TRDN: variants seen among roughly 807,000 people sequenced by gnomAD.
TRDN encodes triadin in skeletal muscle.
In TRDN, 161 loss-of-function variants were observed where a neutral mutation model predicts 149.7. The ratio of observed to expected loss-of-function variants is 1.08; its 90% CI spans 0.95 to 1.23. The LOEUF (loss-of-function observed/expected upper bound fraction) is 1.23, where lower values mean the gene tolerates loss of function less well. Among genes scored for constraint, TRDN ranks in the 50% most tolerant of loss-of-function variants. The pLI is 0.00. For missense variants in TRDN, 896 were observed against 823.5 expected (o/e 1.09, Z -1.08); for synonymous variants, 294 against 250.5 (o/e 1.17, Z -1.64).
intron 23 of TRDN, among the ~76,000 whole-genome samples, chr6:123,330,463 ATCC>A (rs1242928965): frequency 7.2e-5 from 11 of 152,032 alleles, no homozygotes; most frequent in African/African-American, 9.7e-5. Flanking sequence ...ACATATATGA[ATCC>A]TCTTGCAAGG....
chr6:123,274,905 T>C (rs371513376), intron 26 of TRDN, among the ~76,000 whole-genome samples: 6 of 152,018 alleles, frequency 3.9e-5, no homozygotes, highest in African/African-American at 1.4e-4. Context: ...GGTTTGCCAA[T>C]GATGGACTAT....
At chr6:123,340,671 A>C (rs1434675894) in intron 21 of TRDN, among the ~76,000 whole-genome samples, 1 of 151,960 alleles carries the variant, frequency 6.6e-6, no homozygotes, top group Non-Finnish European at 1.5e-5. Context: ...ATGCTTGCTG[A>C]TCTGAGATAT....
chr6:123,573,585 C>T (rs988859853), intron 1 of TRDN, among the ~76,000 whole-genome samples: 1 of 151,966 alleles, frequency 6.6e-6, no homozygotes, highest in African/African-American at 2.4e-5. Context: ...AAGATATTTT[C>T]AGGGACTCAA....
In TRDN at chr6:123,307,553, A is replaced by G. The variant is rs556942561; in HGVS notation, c.1510+8904T>C. Among the ~76,000 whole-genome samples, 14 of 152,064 alleles carry G rather than the reference A, an allele frequency of 9.2e-5. 1 individual carries two copies. In the South Asian group the frequency reaches 2.7e-3, roughly 29 times the overall value. On this transcript the variant is annotated intron_variant, in intron 24 of 40. Transcript: ENST00000334268. ...TGATTGATGCATTTTTTTAATTCCTATAAACTAATTTCTGTTTCCACCACT... is the reference window on the plus strand; with the variant it reads ...TGATTGATGCATTTTTTTAATTCCTGTAAACTAATTTCTGTTTCCACCACT...
intron 1 of TRDN, among the ~76,000 whole-genome samples, chr6:123,587,533 C>T (rs144639093): frequency 1.7e-4 from 26 of 152,260 alleles, no homozygotes; most frequent in Admixed American, 5.9e-4. Context: ...ATCTTTCTCA[C>T]GGAGCAAAGA....
chr6:123,415,086 C>T (rs1471080978), intron 12 of TRDN, among the ~76,000 whole-genome samples: 1 of 152,122 alleles, frequency 6.6e-6, no homozygotes, highest in Non-Finnish European at 1.5e-5. Flanking sequence ...GAGGCTTGTC[C>T]TTTTGTAGCT....
At chr6:123,544,507 G>C (rs573379474) in intron 4 of TRDN, among the ~76,000 whole-genome samples, 1 of 151,934 alleles carries the variant, frequency 6.6e-6, no homozygotes, top group Non-Finnish European at 1.5e-5. Flanking sequence ...TAGAAAGTGA[G>C]GTGCTAACAG....
At chr6:123,278,572 G>C (rs1025527730) in intron 25 of TRDN, among the ~76,000 whole-genome samples, 8 of 152,062 alleles carry the variant, frequency 5.3e-5, no homozygotes, top group Admixed American at 3.9e-4. Context: ...GAAATATTTT[G>C]AGAGCCAGGC....
intron 39 of TRDN, among the ~76,000 whole-genome samples, chr6:123,221,999 T>C (rs557524422): frequency 4.4e-4 from 67 of 151,894 alleles, no homozygotes; most frequent in African/African-American, 1.6e-3. Flanking sequence ...CATTCTTCCC[T>C]TTTCACGTCT....
intron 9 of TRDN, chr6:123,470,929 G>A (rs1461807831): frequency 6.6e-6 from 1 of 152,108 alleles, no homozygotes; most frequent in Non-Finnish European, 1.5e-5. Flanking sequence ...TCTAGGACAT[G>A]GAGTTATAGC....
At chr6:123,426,662 T>C (rs1240945519) in intron 12 of TRDN, among the ~76,000 whole-genome samples, 1 of 152,140 alleles carries the variant, frequency 6.6e-6, no homozygotes, top group African/African-American at 2.4e-5. Context: ...GGCAATTATT[T>C]TATATGCCTT....
At position 123,219,011 on chromosome 6, in the gene TRDN, G is replaced by T. The variant is rs1467216592; in HGVS notation, c.2051-271C>A. On this transcript the variant is annotated intron_variant, in intron 40 of 40. Transcript: ENST00000334268. ...CTGGTATGTAATAAGCCTTTAATAAGTGATAATAAAAATGGCCTGGCAGAG... is the reference window on the plus strand; with the variant it reads ...CTGGTATGTAATAAGCCTTTAATAATTGATAATAAAAATGGCCTGGCAGAG... 5.9e-5 allele frequency among the ~76,000 whole-genome samples: 9 copies of T among 152,004 alleles called. No individual in the cohort carries two copies. The South Asian group carries it at 1.4e-3, about 24-fold the overall frequency.
chr6:123,325,572 T>C (rs1311733771), intron 23 of TRDN, among the ~76,000 whole-genome samples: 4 of 152,082 alleles, frequency 2.6e-5, no homozygotes, highest in African/African-American at 9.7e-5. Flanking sequence ...ATTAATTGAA[T>C]CTTCTTAGAG....
At chr6:123,305,252 G>A (rs550048904) in intron 24 of TRDN, among the ~76,000 whole-genome samples, 5 of 152,054 alleles carry the variant, frequency 3.3e-5, no homozygotes, top group African/African-American at 1.2e-4. Flanking sequence ...AAATTCTAAA[G>A]TCTGCCTTGG....
At chr6:123,230,082 C>A (rs545264669) in intron 38 of TRDN, among the ~76,000 whole-genome samples, 4 of 151,908 alleles carry the variant, frequency 2.6e-5, no homozygotes, top group Admixed American at 2.0e-4. Context: ...AAGACACATG[C>A]ACACGTATGT....
chr6:123,221,485 A>C lies in TRDN; in HGVS notation c.2050+2T>G, dbSNP rs758127975. On this transcript the variant is annotated splice_donor_variant, in intron 40 of 40. Transcript: ENST00000334268. LOFTEE classifies it high-confidence loss of function. ...TTACTTTTAATCTCATTATAAACTT[A>C]CTTTTCTGCTTTGTGGGAGACACAT... The C allele has an allele frequency of 6.4e-7, 1 of 1,556,416 alleles. No individual in the cohort carries two copies. Among genetic ancestry groups the C allele is most frequent in the South Asian group, 1.1e-5 (1 of 87,722 alleles).
rs562890845 is a variant in TRDN, at chr6:123,596,000, A to G, written c.23-24868T>C. Among the ~76,000 whole-genome samples the G allele has an allele frequency of 9.2e-5, 14 of 152,214 alleles. No homozygotes were observed. The East Asian group carries it at 1.9e-3, about 21-fold the overall frequency. On this transcript the variant is annotated intron_variant, in intron 1 of 40. Transcript: ENST00000334268. ...CTCTTCTTTTAAATCAAAAGCTACA[A>G]TGATTAAGCTTAGTGAGGAAGCCAT...
intron 19 of TRDN, 28 bp downstream of exon 19, chr6:123,375,577 T>C (rs1219801644): frequency 2.6e-6 from 4 of 1,524,308 alleles, no homozygotes; most frequent in Non-Finnish European, 3.5e-6. Flanking sequence ...CCAAATATGC[T>C]CTTCTTTAAA....
intron 35 of TRDN, among the ~76,000 whole-genome samples, chr6:123,259,116 G>GT (rs940375598): frequency 4.6e-5 from 7 of 151,742 alleles, no homozygotes; most frequent in South Asian, 2.1e-4. Context: ...TTTTTTAAGG[G>GT]TTTTTTTGTG....
Sources: gnomAD v4.1 joint callset for allele counts (sites outside exome capture counted in the v4.1 genomes callset) on GRCh38, gnomAD v4.1.1 for gene constraint, MANE v1.5 for transcripts, NCBI Gene and HGNC (gene_info 2026-07-23, HGNC 2026-07-21) for gene names.